The following ZNF398 variants were observed in gnomAD, a reference collection of about 807,000 sequenced individuals.
ZNF398 encodes the protein zinc finger DNA binding protein ZER6.
In ZNF398, 18 loss-of-function variants were observed where a neutral mutation model predicts 41.9. That is an observed-to-expected ratio of 0.43 (90% CI 0.30 to 0.64). The LOEUF (loss-of-function observed/expected upper bound fraction) is 0.64, where lower values mean the gene tolerates loss of function less well. Among genes scored for constraint, ZNF398 ranks in the 30% least tolerant of loss-of-function variants. The pLI is 0.14. For missense variants in ZNF398, 669 were observed against 822.8 expected (o/e 0.81, Z 2.29); for synonymous variants, 260 against 308.8 (o/e 0.84, Z 1.66).
chr7:149,160,268 A>G (rs1034703271), intron 2 of ZNF398, among the ~76,000 whole-genome samples: 3 of 152,076 alleles, frequency 2.0e-5, no homozygotes, highest in African/African-American at 4.8e-5. Context: ...GGTCTCAACT[A>G]AAAATACAAA....
At chr7:149,174,486 C>T (rs1157223697) in intron 4 of ZNF398, among the ~76,000 whole-genome samples, 6 of 152,056 alleles carry the variant, frequency 3.9e-5, no homozygotes, top group African/African-American at 1.4e-4. Context: ...CTGTGCCCAG[C>T]CCATTCAGAA....
chr7:149,166,301 A>G lies in ZNF398; in HGVS notation c.547+17A>G, dbSNP rs142916484. On this transcript the variant is annotated intron_variant, in intron 3 of 5. Transcript: ENST00000475153. Reference sequence around the variant, plus strand: ...TCTCCATGGGTGAGGCTGAGTTGACACCTTTTGAATGAAGTGACAGCAGCT... The same window carrying G: ...TCTCCATGGGTGAGGCTGAGTTGACGCCTTTTGAATGAAGTGACAGCAGCT... 10,215 of 1,595,512 alleles carry G rather than the reference A, an allele frequency of 6.4e-3. 40 individuals are homozygous for G. The highest frequency in any genetic ancestry group is 8.6e-3 in the African/African-American group (635 of 74,134).
chr7:149,162,320 TACAGG>T, intron 2 of ZNF398, among the ~76,000 whole-genome samples: 1 of 152,280 alleles, frequency 6.6e-6, no homozygotes, highest in Non-Finnish European at 1.5e-5. Flanking sequence ...TAGCTGGGAC[TACAGG>T]CGCCTGCCAC....
chr7:149,179,852 A>G lies in ZNF398; in HGVS notation c.*51A>G, dbSNP rs778558032. 2.0e-6 allele frequency: 3 copies of G among 1,486,928 alleles called. No individual in the cohort carries two copies. Among genetic ancestry groups the G allele is most frequent in the Non-Finnish European group, 1.8e-6 (2 of 1,110,528 alleles). The allele number at this position is 1,486,928 out of a possible 1,614,324, so 92.1% of individuals were successfully genotyped here. The stretch of plus-strand genomic sequence containing the variant: ...TGTATATGCTCACAGCAGGGCACAA[A>G]ATCCAAGAGAAGGTCTGTGAGCCCC... On this transcript the variant is annotated 3_prime_UTR_variant, in exon 6 of 6. Transcript: ENST00000475153. This position sits in a 1 kb window ranked among gnomAD's most constrained non-coding sequence, Gnocchi z 6.1.
intron 2 of ZNF398, among the ~76,000 whole-genome samples, chr7:149,140,705 G>A (rs527829844): frequency 3.3e-5 from 5 of 151,640 alleles, no homozygotes; most frequent in Non-Finnish European, 5.9e-5. Context: ...CTTTAGAAAC[G>A]AATGTTTAAC....
In ZNF398 at chr7:149,166,821, T is replaced by C. The variant is rs1795234647; in HGVS notation, c.552T>C (p.Tyr184=). The change falls in exon 4 of 6, where the codon TAT becomes TAC. Residue 184 remains tyrosine (Y), a synonymous_variant. Transcript: ENST00000475153. The part of the protein sequence containing the change: ...GNYESLISMD[Y]AINQPDVLSQ... ...TCTTCCTTTTTCCTCTCCTAGATTA[T>C]GCTATAAATCAACCTGATGTCTTAT... The C allele has an allele frequency of 1.9e-6, 3 of 1,605,778 alleles. No homozygotes were observed. Among genetic ancestry groups the C allele is most frequent in the Admixed American group, 1.7e-5 (1 of 59,672 alleles).
intron 2 of ZNF398, among the ~76,000 whole-genome samples, chr7:149,131,843 CTA>C (rs139652787): frequency 0.036 from 5,407 of 152,210 alleles, 308 homozygotes; most frequent in African/African-American, 0.12. Flanking sequence ...TTAGCTTAGT[CTA>C]TTATCCTAGT....
intron 1 of ZNF398, chr7:149,151,165 T>C (rs917122): frequency 0.62 from 646,579 of 1,049,910 alleles, 206,928 homozygotes; most frequent in East Asian, 0.9. Flanking sequence ...TTAGAAACCA[T>C]TGGTATGTGG....
At chr7:149,174,301 T>C (rs1243566002) in intron 4 of ZNF398, among the ~76,000 whole-genome samples, 2 of 152,240 alleles carry the variant, frequency 1.3e-5, no homozygotes, top group East Asian at 1.9e-4. Flanking sequence ...TGTTGTTTAG[T>C]GTAGCCCCCT....
At chr7:149,139,085 T>C (rs71534757) in intron 2 of ZNF398, among the ~76,000 whole-genome samples, 1 of 152,048 alleles carries the variant, frequency 6.6e-6, no homozygotes, top group African/African-American at 2.4e-5. Context: ...TAATTTTGGA[T>C]TTTTAGTAGA....
At chr7:149,169,299 G>A (rs1158947516) in intron 4 of ZNF398, among the ~76,000 whole-genome samples, 3 of 152,108 alleles carry the variant, frequency 2.0e-5, no homozygotes, top group Admixed American at 6.5e-5. Flanking sequence ...TGGCCAGGCC[G>A]GTCTTGAACT....
exon 1 of ZNF398, chr7:149,126,482 C>G: frequency 1.8e-6 from 1 of 548,006 alleles, no homozygotes; most frequent in South Asian, 2.4e-5. Context: ...TTTGAGGGAC[C>G]CTTGGACTCC....
intron 2 of ZNF398, among the ~76,000 whole-genome samples, chr7:149,161,098 C>T (rs1795097768): frequency 6.6e-6 from 1 of 152,026 alleles, no homozygotes; most frequent in Non-Finnish European, 1.5e-5. Flanking sequence ...CTCCTCTTTG[C>T]CCTGCCTTCT....
chr7:149,176,354 A>G (rs1227469093), intron 4 of ZNF398, 114 bp from the exon 5 acceptor site: 2 of 781,138 alleles, frequency 2.6e-6, no homozygotes, highest in African/African-American at 3.5e-5. Context: ...AAAAAAAGAA[A>G]AAAAGAAAGG....
At chr7:149,165,698 C>T (rs966826074) in intron 2 of ZNF398, among the ~76,000 whole-genome samples, 14 of 152,066 alleles carry the variant, frequency 9.2e-5, no homozygotes, top group African/African-American at 2.2e-4. Flanking sequence ...CTCATGTGCA[C>T]GATGAACAGC....
At chr7:149,132,915 T>C (rs1826628111) in intron 2 of ZNF398, among the ~76,000 whole-genome samples, 1 of 152,112 alleles carries the variant, frequency 6.6e-6, no homozygotes, top group African/African-American at 2.4e-5. Flanking sequence ...AGGCTCCTTG[T>C]TAGAAAGTAA....
rs755067688 is a variant in ZNF398 at position 149,166,844 on chromosome 7, T to C, written c.575T>C (p.Leu192Ser). The C allele has an allele frequency of 6.2e-7, 1 of 1,612,792 alleles. No individual in the cohort carries two copies. Among genetic ancestry groups the C allele is most frequent in the Non-Finnish European group, 8.5e-7 (1 of 1,179,068 alleles). The part of the protein sequence containing the change: ...MDYAINQPDV[L>S]SQIQPEGEHN... ...TATGCTATAAATCAACCTGATGTCT[T>C]ATCTCAGATTCAACCAGAAGGGGAA... Residue 192 changes from leucine to serine, a missense_variant, in exon 4 of 6, where the codon TTA becomes TCA. By Grantham distance (145) the Leu-to-Ser change is moderately radical. Transcript: ENST00000475153.
At chr7:149,144,375 A>G (rs370316745), upstream of ZNF398, among the ~76,000 whole-genome samples, 78 of 152,258 alleles carry the variant, frequency 5.1e-4, no homozygotes, top group African/African-American at 1.8e-3. Flanking sequence ...CAGTGGTATT[A>G]TTACAGCTCA....
At chr7:149,128,146 G>A (rs1826523838) in intron 1 of ZNF398, among the ~76,000 whole-genome samples, 1 of 152,186 alleles carries the variant, frequency 6.6e-6, no homozygotes, top group Non-Finnish European at 1.5e-5. Flanking sequence ...GAGGTCCTAA[G>A]AACATGTATC....
Sources: gnomAD v4.1 joint callset for allele counts (sites outside exome capture counted in the v4.1 genomes callset) on GRCh38, gnomAD v4.1.1 for gene constraint, Gnocchi (gnomAD v3.1) non-coding constraint, MANE v1.5 for transcripts, NCBI Gene and HGNC (gene_info 2026-07-23, HGNC 2026-07-21) for gene names.